Variants in USP34 observed in about 807,000 individuals in gnomAD.
The protein encoded by USP34 is ubiquitin specific peptidase 34, also known as ubiquitin carboxyl-terminal hydrolase 34.
USP34 carries 70 observed loss-of-function variants against 460.3 expected under a neutral mutation model. That is an observed-to-expected ratio of 0.15 (90% CI 0.13 to 0.19). The LOEUF (loss-of-function observed/expected upper bound fraction) is 0.19. Ranked by LOEUF, USP34 falls within the 10% of genes least tolerant of loss-of-function variation. The pLI is 1.00. For missense variants in USP34, 3,985 were observed against 4,236.2 expected, an observed-to-expected ratio of 0.94 and a Z score of 1.65; for synonymous variants, 1,647 against 1,405.3, an observed-to-expected ratio of 1.17 and a Z score of -3.85.
In USP34 at chr2:61,259,996, G is replaced by GAA. The variant is rs1161152030; in HGVS notation, c.5779-222_5779-221dup. On this transcript the variant is annotated intron_variant, in intron 43 of 79. Coordinates refer to ENST00000398571, the MANE Select transcript of USP34 (RefSeq NM_014709.4). ...GCTATTACTATCTTATAAGGAAACCGAAGAGAGAATTTTAAAAATCACTTT... is the reference window on the plus strand; with the variant it reads ...GCTATTACTATCTTATAAGGAAACCGAAAAGAGAGAATTTTAAAAATCACTTT... 8.5e-5 allele frequency among the ~76,000 whole-genome samples: 13 copies of GAA among 152,110 alleles called. No individual in the cohort carries two copies. The East Asian group carries it at 2.5e-3, about 29-fold the overall frequency.
intron 1 of USP34, among the ~76,000 whole-genome samples, chr2:61,431,874 AGAT>A (rs1388514411): frequency 1.3e-5 from 2 of 152,130 alleles, no homozygotes; most frequent in Admixed American, 6.5e-5. Context: ...AATAAATAAA[AGAT>A]AAATAAATAG....
At chr2:61,294,489 G>A (rs1328103016) in intron 32 of USP34, among the ~76,000 whole-genome samples, 1 of 151,936 alleles carries the variant, frequency 6.6e-6, no homozygotes, top group Non-Finnish European at 1.5e-5. Context: ...TGCGATCTCA[G>A]CTCACTGCAA....
chr2:61,376,536 T>G (rs1383767281), intron 8 of USP34, among the ~76,000 whole-genome samples: 1 of 152,222 alleles, frequency 6.6e-6, no homozygotes, highest in South Asian at 2.1e-4. Context: ...GAGAGGAGTA[T>G]GAATATCACA....
chr2:61,443,837 A>G (rs1695036740), intron 1 of USP34, among the ~76,000 whole-genome samples: 1 of 152,202 alleles, frequency 6.6e-6, no homozygotes, highest in Non-Finnish European at 1.5e-5. Flanking sequence ...ACGTAGATTC[A>G]CCAAGTGTAA....
chr2:61,293,389 T>C (rs962117733), intron 33 of USP34, 75 bp downstream of exon 33: 1 of 1,142,188 alleles, frequency 8.8e-7, no homozygotes, highest in Non-Finnish European at 1.3e-6. Context: ...GCAAAAGCTA[T>C]ACTTGCTGAT....
At chr2:61,303,487 T>C (rs922248619) in intron 27 of USP34, among the ~76,000 whole-genome samples, 1 of 152,272 alleles carries the variant, frequency 6.6e-6, no homozygotes. Context: ...TGTATTTTAC[T>C]TTATTCAAAT....
At chr2:61,355,233 A>G (rs986393176) in intron 10 of USP34, among the ~76,000 whole-genome samples, 3 of 152,110 alleles carry the variant, frequency 2.0e-5, no homozygotes, top group African/African-American at 7.2e-5. Context: ...TTGCAAAGAG[A>G]AAAAAAATGA....
At chr2:61,425,818 G>C (rs1287213613) in intron 1 of USP34, among the ~76,000 whole-genome samples, 1 of 151,988 alleles carries the variant, frequency 6.6e-6, no homozygotes, top group Non-Finnish European at 1.5e-5. Context: ...TGGAGTGCTG[G>C]CATCACCCCT....
chr2:61,439,172 G>T (rs1220190265), intron 1 of USP34, among the ~76,000 whole-genome samples: 1 of 152,204 alleles, frequency 6.6e-6, no homozygotes, highest in African/African-American at 2.4e-5. Flanking sequence ...AACACTTTGG[G>T]AGGCTGAGTT....
At chr2:61,421,564 T>C (rs750431223) in intron 1 of USP34, among the ~76,000 whole-genome samples, 36 of 152,198 alleles carry the variant, frequency 2.4e-4, no homozygotes, top group Admixed American at 6.5e-4. Flanking sequence ...AATTATTATG[T>C]ATGTACAAGA....
rs1387045604 is a variant in USP34 at position 61,221,486 on chromosome 2, C to G, written c.7899+16G>C. 7 of 1,596,914 alleles carry G rather than the reference C, an allele frequency of 4.4e-6. No homozygotes were observed. The highest frequency in any genetic ancestry group is 2.6e-6 in the Non-Finnish European group (3 of 1,172,196). On this transcript the variant is annotated intron_variant, in intron 66 of 79. Transcript: ENST00000398571. The stretch of plus-strand genomic sequence containing the variant: ...TCAGGAAAATAAACATTGAAAACAC[C>G]TGCTGCAAGACTTACCTCCCATATC...
At chr2:61,220,282 T>C (rs1183971122) in intron 67 of USP34, 28 bp downstream of exon 67, 1 of 1,584,374 alleles carries the variant, frequency 6.3e-7, no homozygotes, top group East Asian at 2.3e-5. Flanking sequence ...AAATAAATGG[T>C]TTATGAAATT....
intron 16 of USP34, among the ~76,000 whole-genome samples, chr2:61,340,342 G>A (rs565332187): frequency 1.3e-5 from 2 of 152,012 alleles, no homozygotes; most frequent in African/African-American, 2.4e-5. Flanking sequence ...CTAGTTTTAC[G>A]CTATTATTAA....
chr2:61,241,425 C>T (rs1688256360), intron 53 of USP34, 135 bp downstream of exon 53: 1 of 580,620 alleles, frequency 1.7e-6, no homozygotes, highest in East Asian at 3.1e-5. Context: ...ATTACCAAGA[C>T]TATTTGTAAA....
intron 59 of USP34, 40 bp downstream of exon 59, chr2:61,229,508 C>G: frequency 1.7e-6 from 2 of 1,156,396 alleles, no homozygotes; most frequent in African/African-American, 3.3e-5. Flanking sequence ...CACACACACA[C>G]AACACAGACA....
intron 53 of USP34, among the ~76,000 whole-genome samples, chr2:61,239,243 C>T (rs1030848697): frequency 1.3e-5 from 2 of 150,518 alleles, no homozygotes; most frequent in Non-Finnish European, 3.0e-5. Context: ...ACACATCTTT[C>T]ACCTTAAATC....
At chr2:61,456,918 C>T (rs1573063229) in intron 1 of USP34, among the ~76,000 whole-genome samples, 1 of 152,042 alleles carries the variant, frequency 6.6e-6, no homozygotes, top group East Asian at 1.9e-4. Context: ...GACGTTGAGG[C>T]TGCAGTTAGC....
chr2:61,378,415 G>T lies in USP34; in HGVS notation c.1024C>A (p.His342Asn). The T allele has an allele frequency of 6.3e-7, 1 of 1,588,822 alleles. No homozygotes were observed. Among genetic ancestry groups the T allele is most frequent in the Non-Finnish European group, 8.5e-7 (1 of 1,172,160 alleles). Reference protein sequence around the residue: ...AGLSQITNQLHTFNDVCNNES... With the variant: ...AGLSQITNQLNTFNDVCNNES... ...TTATTGCACACATCATTGAAGGTATGGAGTTGATTCTATGATTAAAGACAA... is the reference window on the plus strand; with the variant it reads ...TTATTGCACACATCATTGAAGGTATTGAGTTGATTCTATGATTAAAGACAA... Residue 342 changes from histidine to asparagine, a missense_variant, in exon 8 of 80, where the codon CAT (histidine) becomes AAT (asparagine). Coordinates refer to ENST00000398571, the MANE Select transcript of USP34 (RefSeq NM_014709.4).
chr2:61,467,208 C>G (rs1353293778), intron 1 of USP34, among the ~76,000 whole-genome samples: 1 of 151,948 alleles, frequency 6.6e-6, no homozygotes, highest in East Asian at 1.9e-4. Context: ...GAGGCTGAGG[C>G]AGGAGAATTG....
Sources: allele counts gnomAD v4.1 joint callset (sites outside exome capture counted in the v4.1 genomes callset), GRCh38; gene constraint gnomAD v4.1.1; transcripts MANE v1.5; gene names NCBI Gene and HGNC (gene_info 2026-07-23, HGNC 2026-07-21).